Variants in DLG1 observed in about 807,000 individuals in gnomAD.
The protein encoded by DLG1 is disks large homolog 1.
In DLG1, 42 loss-of-function variants were observed where a neutral mutation model predicts 123.4. The observed-to-expected ratio is 0.34, with a 90% CI of 0.27 to 0.44. The LOEUF (loss-of-function observed/expected upper bound fraction) is 0.44. Ranked by LOEUF, DLG1 falls within the 20% of genes least tolerant of loss-of-function variation. The probability of loss-of-function intolerance (pLI) is 1.00; values close to 1 mark genes in which losing one functional copy is unlikely to be tolerated. For synonymous variants in DLG1, 317 were observed against 356.2 expected (o/e 0.89, Z 1.24); for missense variants, 942 against 1,082.6 (o/e 0.87, Z 1.82).
intron 23 of DLG1, among the ~76,000 whole-genome samples, chr3:197,058,355 T>TAAAGCTGTGTGTATTCCTTC (rs368518326): frequency 6.6e-6 from 1 of 152,166 alleles, no homozygotes; most frequent in Non-Finnish European, 1.5e-5. Context: ...TCCTAACATT[T>TAAAGCTGTGTGTATTCCTTC]AAAGCTGTGT....
chr3:197,051,463 C>G (rs1727675608), intron 24 of DLG1, 114 bp downstream of exon 24: 1 of 762,216 alleles, frequency 1.3e-6, no homozygotes, highest in Admixed American at 2.4e-5. Context: ...CTGGATGATA[C>G]TAGTTACTAC....
chr3:197,239,522 A>G (rs1227409502), intron 4 of DLG1, among the ~76,000 whole-genome samples: 18 of 152,186 alleles, frequency 1.2e-4, no homozygotes, highest in Admixed American at 1.2e-3. Context: ...ATAGTACTAG[A>G]AAAGAAAACT....
intron 4 of DLG1, among the ~76,000 whole-genome samples, chr3:197,242,694 C>G (rs1749570210): frequency 6.6e-6 from 1 of 151,954 alleles, no homozygotes; most frequent in Admixed American, 6.6e-5. Context: ...TGAAGAAATT[C>G]AGAAGGAAAC....
Position 197,149,799 on chromosome 3 carries a change from T to C in DLG1, c.484-3A>G. The C allele has an allele frequency of 6.4e-7, 1 of 1,574,400 alleles. No individual in the cohort carries two copies. Among genetic ancestry groups the C allele is most frequent in the Non-Finnish European group, 8.7e-7 (1 of 1,148,082 alleles). ...ACCAGTACTGGGGGAGGATTTGCCT[T>C]TAAGAAGAAATTGTAAATGTGTTAA... On this transcript the variant is annotated splice_region_variant and splice_polypyrimidine_tract_variant and intron_variant, in intron 5 of 24. Coordinates refer to ENST00000667157, the MANE Select transcript of DLG1 (RefSeq NM_001366207.1).
At chr3:197,122,649 T>C (rs1191222630) in intron 11 of DLG1, among the ~76,000 whole-genome samples, 6 of 152,070 alleles carry the variant, frequency 3.9e-5, no homozygotes, top group Admixed American at 1.3e-4. Context: ...TCAGTTAAAA[T>C]TAGAAACATT....
rs1579539057 is a variant in DLG1, at chr3:197,116,026, T to C, written c.1344A>G (p.Val448=). The C allele has an allele frequency of 6.2e-7, 1 of 1,613,494 alleles. No individual in the cohort carries two copies. Among genetic ancestry groups the C allele is most frequent in the East Asian group, 2.2e-5 (1 of 44,792 alleles). The change falls in exon 13 of 25, where the codon GTA becomes GTG. Residue 448 remains valine (V), a synonymous_variant. Coordinates refer to ENST00000667157, the MANE Select transcript of DLG1 (RefSeq NM_001366207.1). The part of the protein sequence containing the change: ...RGSTGLGFNI[V]GGEDGEGIFI... The stretch of plus-strand genomic sequence containing the variant: ...ATATTCCTTCTCCATCTTCTCCTCC[T>C]ACAATGTTGAAACCAAGGCCCGTTG...
chr3:197,106,833 T>C (rs1362459283), intron 13 of DLG1, among the ~76,000 whole-genome samples: 1 of 152,146 alleles, frequency 6.6e-6, no homozygotes, highest in Non-Finnish European at 1.5e-5. Flanking sequence ...TTAGAGTCAC[T>C]TTTTTTCTTT....
intron 4 of DLG1, among the ~76,000 whole-genome samples, chr3:197,263,526 C>T (rs1471935790): frequency 6.6e-6 from 1 of 152,312 alleles, no homozygotes; most frequent in African/African-American, 2.4e-5. Context: ...GTAGCTCACA[C>T]CTGTAATCCC....
chr3:197,051,700 C>CTTTTAA, intron 23 of DLG1, 32 bp from the exon 24 acceptor site: 1 of 1,496,066 alleles, frequency 6.7e-7, no homozygotes, highest in East Asian at 2.3e-5. Context: ...TTGATAATTA[C>CTTTTAA]CAAATTATAA....
At chr3:197,150,195 T>C (rs1793176589) in intron 5 of DLG1, among the ~76,000 whole-genome samples, 1 of 152,148 alleles carries the variant, frequency 6.6e-6, no homozygotes, top group Non-Finnish European at 1.5e-5. Flanking sequence ...GAGAAAATTC[T>C]TCCCCACAGT....
chr3:197,245,076 G>A (rs182144313), intron 4 of DLG1, among the ~76,000 whole-genome samples: 4 of 152,098 alleles, frequency 2.6e-5, no homozygotes, highest in African/African-American at 7.2e-5. Flanking sequence ...CATGATAATC[G>A]AGTTTTTAAA....
intron 5 of DLG1, among the ~76,000 whole-genome samples, chr3:197,186,470 T>C (rs1716081152): frequency 6.6e-6 from 1 of 152,192 alleles, no homozygotes; most frequent in South Asian, 2.1e-4. Context: ...ATGTGTTTTC[T>C]TTTTCAGAGT....
intron 16 of DLG1, among the ~76,000 whole-genome samples, chr3:197,082,661 A>G (rs182855126): frequency 6.6e-6 from 1 of 152,320 alleles, no homozygotes; most frequent in East Asian, 1.9e-4. Context: ...TCTAAGAAAG[A>G]GATAGTTCTA....
intron 4 of DLG1, among the ~76,000 whole-genome samples, chr3:197,270,267 A>G (rs566630714): frequency 7.2e-5 from 11 of 152,334 alleles, no homozygotes; most frequent in Non-Finnish European, 1.6e-4. Context: ...TGATTCGTCT[A>G]GTCAAATATG....
Position 197,078,947 on chromosome 3 carries a change from A to G in DLG1, c.1905+2104T>C, listed in dbSNP as rs139300330. ...TATCTTTGCAGTTAGCCAAAATGAG[A>G]TATCATAAAGATATCATAATATAGG... On this transcript the variant is annotated intron_variant, in intron 17 of 24. Transcript: ENST00000667157. Among the ~76,000 whole-genome samples, 109 of 152,328 alleles carry G rather than the reference A, an allele frequency of 7.2e-4. 1 individual carries two copies. The highest frequency in any genetic ancestry group is 2.3e-3 in the African/African-American group (97 of 41,582).
intron 5 of DLG1, among the ~76,000 whole-genome samples, chr3:197,185,902 G>C (rs1281003813): frequency 6.6e-6 from 1 of 152,104 alleles, no homozygotes; most frequent in Non-Finnish European, 1.5e-5. Context: ...AGAGAACTTA[G>C]GGGTCAATGG....
At chr3:197,276,900 T>C (rs1002127017) in intron 4 of DLG1, among the ~76,000 whole-genome samples, 2 of 152,102 alleles carry the variant, frequency 1.3e-5, no homozygotes, top group African/African-American at 2.4e-5. Context: ...AACTTTTTTT[T>C]TCTTGTTTGG....
chr3:197,230,023 A>T (rs896555017), intron 4 of DLG1, among the ~76,000 whole-genome samples: 1 of 152,236 alleles, frequency 6.6e-6, no homozygotes, highest in Non-Finnish European at 1.5e-5. Context: ...AATAAATGCA[A>T]GCCAAGGTTA....
chr3:197,217,425 GA>G (rs1301035761), intron 4 of DLG1, among the ~76,000 whole-genome samples: 3 of 151,974 alleles, frequency 2.0e-5, no homozygotes, highest in Admixed American at 6.6e-5. Flanking sequence ...GATTTCAAGT[GA>G]AAAAACAAAA....
Sources: gnomAD v4.1 joint callset for allele counts (sites outside exome capture counted in the v4.1 genomes callset) on GRCh38, gnomAD v4.1.1 for gene constraint, MANE v1.5 for transcripts, NCBI Gene and HGNC (gene_info 2026-07-23, HGNC 2026-07-21) for gene names.